TTC34: variants seen among roughly 807,000 people sequenced by gnomAD.
TTC34 encodes tetratricopeptide repeat protein 34.
In TTC34, 44 loss-of-function variants were observed where a neutral mutation model predicts 40.7. The ratio of observed to expected loss-of-function variants is 1.08; its 90% CI spans 0.85 to 1.39. The LOEUF is 1.39. Ranked by LOEUF, TTC34 falls within the 40% of genes most tolerant of loss-of-function variation. The pLI, the probability that TTC34 is intolerant of heterozygous loss-of-function variation, is 0.00. For synonymous variants in TTC34, 422 were observed against 398.6 expected (o/e 1.06, Z -0.70); for missense variants, 884 against 838.0 (o/e 1.05, Z -0.68).
chr1:2,700,088 C>T (rs1343877663), intron 6 of TTC34, among the ~76,000 whole-genome samples: 1 of 121,524 alleles, frequency 8.2e-6, no homozygotes, highest in African/African-American at 2.7e-5. Context: ...GAGCAGCACC[C>T]ACAGTCCCAG....
intron 2 of TTC34, among the ~76,000 whole-genome samples, chr1:2,791,825 A>G (rs1436720141): frequency 1.1e-4 from 17 of 151,828 alleles, no homozygotes; most frequent in Non-Finnish European, 4.4e-5. Flanking sequence ...TCTCTTTCCG[A>G]GATTCCAGTT....
chr1:2,751,694 G>T (rs1641325943), intron 6 of TTC34, among the ~76,000 whole-genome samples: 2 of 150,524 alleles, frequency 1.3e-5, no homozygotes, highest in African/African-American at 4.9e-5. Context: ...ACAACCCCAA[G>T]CGAGCATCCG....
chr1:2,749,592 C>G (rs1569686565), intron 6 of TTC34, among the ~76,000 whole-genome samples: 11 of 109,920 alleles, frequency 1.0e-4, no homozygotes, highest in South Asian at 3.4e-4. Context: ...CAGCCTGGAG[C>G]AGCACCCACA....
chr1:2,775,324 C>G (rs1455277922), intron 6 of TTC34: 1 of 150,962 alleles, frequency 6.6e-6, no homozygotes, highest in East Asian at 2.0e-4. Context: ...AGGTGAGGAT[C>G]TGACTACCTG....
intron 3 of TTC34, among the ~76,000 whole-genome samples, 195 bp downstream of exon 3, chr1:2,789,308 G>A (rs146426404): frequency 0.014 from 2,094 of 152,348 alleles, 23 homozygotes; most frequent in Admixed American, 0.024. Context: ...GGAAATGTGA[G>A]CCGCGGATTT....
At chr1:2,785,830 A>C in exon 5 of TTC34, 1 of 1,543,796 alleles carries the variant, frequency 6.5e-7, no homozygotes. Flanking sequence ...TGCGGCAAAG[A>C]TGGCCAGAGA....
intron 2 of TTC34, among the ~76,000 whole-genome samples, chr1:2,792,302 G>C (rs577290279): frequency 9.9e-5 from 15 of 151,902 alleles, no homozygotes; most frequent in Admixed American, 7.9e-4. Context: ...GCCTAGCCTG[G>C]TTCCTTTATA....
At chr1:2,691,576 C>G (rs1179774134) in intron 6 of TTC34, among the ~76,000 whole-genome samples, 1 of 133,116 alleles carries the variant, frequency 7.5e-6, no homozygotes, top group Non-Finnish European at 1.7e-5. Flanking sequence ...TGGAACAGCA[C>G]CCACATGCCC....
intron 6 of TTC34, chr1:2,775,964 A>G (rs1643116044): frequency 9.5e-6 from 1 of 105,266 alleles, no homozygotes; most frequent in Admixed American, 8.8e-5. Flanking sequence ...CCGGGTTATC[A>G]GATGCTCACC....
rs1419905536 is a variant in TTC34 at position 2,683,790 on chromosome 1, A to G, written c.2227-38227T>C. ...CATCTGACAGGCTGGAGCAGCACGC[A>G]CACCCCCAGTTGAGCATCTGACAGC... On this transcript the variant is annotated intron_variant, in intron 6 of 8. Transcript: ENST00000401095. Among the ~76,000 whole-genome samples, 489 of 147,024 alleles carry G rather than the reference A, an allele frequency of 3.3e-3. 1 individual carries two copies. Among genetic ancestry groups the G allele is most frequent in the African/African-American group, 0.012 (464 of 38,126 alleles).
intron 6 of TTC34, among the ~76,000 whole-genome samples, chr1:2,772,954 G>A (rs573149679): frequency 7.6e-6 from 1 of 131,396 alleles, no homozygotes; most frequent in East Asian, 2.5e-4. Flanking sequence ...GCGAGCATCT[G>A]ACAGCCTGGA....
intron 6 of TTC34, among the ~76,000 whole-genome samples, chr1:2,688,489 A>G (rs1406462198): frequency 3.3e-5 from 4 of 119,650 alleles, no homozygotes; most frequent in Non-Finnish European, 1.6e-5. Flanking sequence ...AGCACCCCAC[A>G]CCCACAGGTG....
intron 6 of TTC34, among the ~76,000 whole-genome samples, chr1:2,653,328 C>A (rs60677750): frequency 6.7e-3 from 127 of 18,912 alleles, no homozygotes; most frequent in East Asian, 0.051. Flanking sequence ...GCACACACAC[C>A]CCCAGGTGAG....
At chr1:2,768,731 A>G (rs1311893704) in intron 6 of TTC34, among the ~76,000 whole-genome samples, 1 of 131,218 alleles carries the variant, frequency 7.6e-6, no homozygotes, top group Admixed American at 7.5e-5. Flanking sequence ...GCCTGGAAAA[A>G]CAACCCCCTT....
chr1:2,771,491 C>A (rs992196454), intron 6 of TTC34, among the ~76,000 whole-genome samples: 5 of 69,230 alleles, frequency 7.2e-5, no homozygotes, highest in South Asian at 7.4e-4. Context: ...CACCCCCAGG[C>A]GAGCATCTGA....
At chr1:2,650,886 A>T (rs1032047153) in intron 6 of TTC34, among the ~76,000 whole-genome samples, 1 of 148,498 alleles carries the variant, frequency 6.7e-6, no homozygotes, top group African/African-American at 2.5e-5. Context: ...AGCAGCTGAC[A>T]GGCTGCAACA....
At chr1:2,753,260 G>A (rs1641386407) in intron 6 of TTC34, among the ~76,000 whole-genome samples, 1 of 121,500 alleles carries the variant, frequency 8.2e-6, no homozygotes, top group African/African-American at 3.5e-5. Context: ...CCACACCCCA[G>A]GTGAGCATCT....
intron 6 of TTC34, among the ~76,000 whole-genome samples, 154 bp downstream of exon 6, chr1:2,783,455 G>A (rs997010785): frequency 4.6e-5 from 7 of 152,302 alleles, no homozygotes; most frequent in East Asian, 1.9e-4. Context: ...CCCATGAGCC[G>A]CTGTACAGGT....
chr1:2,749,449 G>C lies in TTC34; in HGVS notation c.2226+34160C>G, dbSNP rs1641245704. Among the ~76,000 whole-genome samples the C allele has an allele frequency of 3.1e-3, 307 of 100,156 alleles. 1 individual carries two copies. The highest frequency in any genetic ancestry group is 4.9e-3 in the Non-Finnish European group (239 of 48,608). 65.7% of individuals were successfully genotyped at this position (100,156 alleles called of 152,430 possible). Reference sequence around the variant, plus strand: ...GCCTGGAACAGCACCGACACCCCCAGGTGAGCATCTGACGGCCTGGAACAG... The same window carrying C: ...GCCTGGAACAGCACCGACACCCCCACGTGAGCATCTGACGGCCTGGAACAG... On this transcript the variant is annotated intron_variant, in intron 6 of 8. Transcript: ENST00000401095.
Sources: gnomAD v4.1 joint callset for allele counts (sites outside exome capture counted in the v4.1 genomes callset) on GRCh38, gnomAD v4.1.1 for gene constraint, MANE v1.5 for transcripts, NCBI Gene and HGNC (gene_info 2026-07-23, HGNC 2026-07-21) for gene names.